CNOT6L: variants seen among roughly 807,000 people sequenced by gnomAD.
CNOT6L encodes CCR4-NOT transcription complex subunit 6-like.
A neutral mutation model predicts 64.0 loss-of-function variants in CNOT6L; 7 were observed. The ratio of observed to expected loss-of-function variants is 0.11; its 90% CI spans 0.06 to 0.21. The LOEUF is 0.21. CNOT6L is among the 10% of genes least tolerant of loss of function. The probability of loss-of-function intolerance (pLI) is 1.00; values close to 1 mark genes in which losing one functional copy is unlikely to be tolerated. For missense variants in CNOT6L, 245 were observed against 669.0 expected (o/e 0.37, Z 6.99); for synonymous variants, 193 against 243.4 (o/e 0.79, Z 1.93).
upstream of CNOT6L, chr4:77,819,469 T>G: frequency 1.4e-6 from 2 of 1,402,654 alleles, no homozygotes; most frequent in South Asian, 1.2e-5. Flanking sequence ...ACGGCGGGCC[T>G]CGCTCCCGCC....
chr4:77,818,093 T>C (rs997065640), intron 1 of CNOT6L, among the ~76,000 whole-genome samples: 2 of 152,238 alleles, frequency 1.3e-5, no homozygotes, highest in African/African-American at 2.4e-5. Context: ...ATCTAGTTTT[T>C]GGAGACTGAG....
intron 4 of CNOT6L, among the ~76,000 whole-genome samples, chr4:77,763,473 A>C (rs1305196685): frequency 6.6e-6 from 1 of 152,150 alleles, no homozygotes; most frequent in Admixed American, 6.5e-5. Context: ...TAACAATATT[A>C]AGTGGGAACT....
intron 1 of CNOT6L, chr4:77,819,013 C>A: frequency 3.0e-6 from 2 of 672,800 alleles, no homozygotes; most frequent in Non-Finnish European, 5.4e-6. Context: ...GCGGGAGGGA[C>A]ACGCCACTCT....
chr4:77,750,537 T>C (rs952045230), intron 5 of CNOT6L, among the ~76,000 whole-genome samples: 1 of 152,012 alleles, frequency 6.6e-6, no homozygotes, highest in Non-Finnish European at 1.5e-5. Flanking sequence ...GTATTTTCAG[T>C]AGAGACGTGG....
At chr4:77,771,094 C>A (rs976544190) in intron 4 of CNOT6L, among the ~76,000 whole-genome samples, 1 of 152,086 alleles carries the variant, frequency 6.6e-6, no homozygotes, top group Non-Finnish European at 1.5e-5. Context: ...CTGAGGTGGG[C>A]GGATCACCTG....
chr4:77,765,969 T>C (rs1268094096), intron 4 of CNOT6L, among the ~76,000 whole-genome samples: 3 of 152,144 alleles, frequency 2.0e-5, no homozygotes, highest in Non-Finnish European at 4.4e-5. Context: ...TCTGGGCCCA[T>C]TTTGTAGCTT....
intron 5 of CNOT6L, among the ~76,000 whole-genome samples, chr4:77,751,466 A>T (rs988576662): frequency 6.6e-6 from 1 of 152,152 alleles, no homozygotes. Flanking sequence ...AAGGATGTGG[A>T]GCTAAAAAAG....
rs771555425 is a variant in CNOT6L at position 77,717,481 on chromosome 4, C to G, written c.*2950G>C. 3.3e-4 allele frequency: 51 copies of G among 152,388 alleles called. No individual in the cohort carries two copies. Among genetic ancestry groups the G allele is most frequent in the Non-Finnish European group, 2.9e-4 (20 of 67,980 alleles). 9.4% of individuals were successfully genotyped at this position (152,388 alleles called of 1,614,324 possible). A position where few individuals can be genotyped will look rare whatever the true frequency, so the allele number is the denominator to read the frequency against. On this transcript the variant is annotated 3_prime_UTR_variant, in exon 12 of 12. Coordinates refer to ENST00000504123, the MANE Select transcript of CNOT6L (RefSeq NM_144571.3). ...AAACATGTATCACATTCTAAAAATG[C>G]CCAGATTTTCTTTTATCTTCTGATT...
At chr4:77,772,232 T>A (rs541640585) in intron 4 of CNOT6L, among the ~76,000 whole-genome samples, 5 of 152,304 alleles carry the variant, frequency 3.3e-5, no homozygotes, top group Non-Finnish European at 5.9e-5. Flanking sequence ...TTAGGTAAAG[T>A]AATCCCTTTT....
chr4:77,734,762 A>G (rs1359409192), intron 8 of CNOT6L, among the ~76,000 whole-genome samples: 1 of 152,188 alleles, frequency 6.6e-6, no homozygotes, highest in African/African-American at 2.4e-5. Flanking sequence ...GCACAAATTT[A>G]CAGGATATAA....
rs1021526997 is a variant in CNOT6L, at chr4:77,720,183, T to G, written c.*248A>C. 7.7e-6 allele frequency: 3 copies of G among 391,298 alleles called. No homozygotes were observed. The highest frequency in any genetic ancestry group is 1.4e-5 in the Non-Finnish European group (3 of 215,808). 24.2% of individuals were successfully genotyped at this position (391,298 alleles called of 1,614,324 possible). A position where few individuals can be genotyped will look rare whatever the true frequency, so the allele number is the denominator to read the frequency against. On this transcript the variant is annotated 3_prime_UTR_variant, in exon 12 of 12. Transcript: ENST00000504123. ...TTTTGAATGCTGGCTGTTAATACAA[T>G]ATAAAGAAGGTCCAATTTAAAAACA...
chr4:77,740,309 C>G (rs2109933427), intron 8 of CNOT6L, among the ~76,000 whole-genome samples: 1 of 152,122 alleles, frequency 6.6e-6, no homozygotes. Context: ...GAGGTTGAGG[C>G]TGCAGTGAGC....
intron 1 of CNOT6L, among the ~76,000 whole-genome samples, chr4:77,781,316 C>A (rs1728830500): frequency 6.6e-6 from 1 of 152,052 alleles, no homozygotes; most frequent in South Asian, 2.1e-4. Context: ...CCTGCATGTT[C>A]TGTACATGTA....
intron 8 of CNOT6L, among the ~76,000 whole-genome samples, chr4:77,741,886 T>C (rs1450820839): frequency 6.6e-6 from 1 of 152,178 alleles, no homozygotes; most frequent in Non-Finnish European, 1.5e-5. Flanking sequence ...TGTTCTGAAA[T>C]ATGAGACCAT....
At chr4:77,799,917 A>C (rs1731319626) in intron 1 of CNOT6L, among the ~76,000 whole-genome samples, 1 of 152,148 alleles carries the variant, frequency 6.6e-6, no homozygotes, top group Non-Finnish European at 1.5e-5. Flanking sequence ...GAAATCCTTC[A>C]TCTTTTTCCT....
At chr4:77,779,046 C>CAAAAAAAAAAAAAAAAAAAA (rs747920305) in intron 1 of CNOT6L, among the ~76,000 whole-genome samples, 2 of 67,126 alleles carry the variant, frequency 3.0e-5, no homozygotes, top group South Asian at 7.1e-4. Context: ...GACTCTGTCT[C>CAAAAAAAAAAAAAAAAAAAA]AAAAAAAAAA....
chr4:77,792,708 AGAGT>A (rs1279135313), intron 1 of CNOT6L, among the ~76,000 whole-genome samples: 2 of 144,816 alleles, frequency 1.4e-5, no homozygotes, highest in African/African-American at 5.1e-5. Context: ...CCTGGGTGAC[AGAGT>A]AAGACTCTGC....
chr4:77,818,229 A>G (rs1733790506), intron 1 of CNOT6L, among the ~76,000 whole-genome samples: 1 of 152,174 alleles, frequency 6.6e-6, no homozygotes, highest in Non-Finnish European at 1.5e-5. Context: ...ATCCACCTAA[A>G]CAGTCTAAGC....
intron 11 of CNOT6L, among the ~76,000 whole-genome samples, chr4:77,723,319 T>C (rs1210397595): frequency 6.6e-6 from 1 of 152,210 alleles, no homozygotes; most frequent in Non-Finnish European, 1.5e-5. Flanking sequence ...TCTACATTTC[T>C]AGCTTGTTCA....
Sources: allele counts gnomAD v4.1 joint callset (sites outside exome capture counted in the v4.1 genomes callset), GRCh38; gene constraint gnomAD v4.1.1; transcripts MANE v1.5; gene names NCBI Gene and HGNC (gene_info 2026-07-23, HGNC 2026-07-21).